Variants in BARX2 observed in about 807,000 individuals in gnomAD.
BARX2 encodes homeobox protein BarH-like 2.
BARX2 carries 11 observed loss-of-function variants against 25.5 expected under a neutral mutation model. The ratio of observed to expected loss-of-function variants is 0.43; its 90% confidence interval spans 0.27 to 0.71. The LOEUF is 0.71. Among genes scored for constraint, BARX2 ranks in the 30% least tolerant of loss-of-function variants. The pLI, the probability that BARX2 is intolerant of heterozygous loss-of-function variation, is 0.19. For synonymous variants in BARX2, 137 were observed against 149.5 expected, an observed-to-expected ratio of 0.92 and a Z score of 0.61; for missense variants, 360 against 359.9, an observed-to-expected ratio of 1.00 and a Z score of 0.00.
At chr11:129,409,680 C>T (rs935528315) in intron 1 of BARX2, among the ~76,000 whole-genome samples, 10 of 152,084 alleles carry the variant, frequency 6.6e-5, no homozygotes, top group African/African-American at 1.9e-4. Context: ...CAAAAGTGCA[C>T]GTGGCCTGGT....
chr11:129,396,456 T>C (rs1254244675), intron 1 of BARX2, among the ~76,000 whole-genome samples: 1 of 152,056 alleles, frequency 6.6e-6, no homozygotes, highest in African/African-American at 2.4e-5. Flanking sequence ...GTAGACTATA[T>C]TTTCTGCAGT....
chr11:129,396,765 G>A (rs1273276883), intron 1 of BARX2, among the ~76,000 whole-genome samples: 2 of 152,142 alleles, frequency 1.3e-5, no homozygotes, highest in Non-Finnish European at 2.9e-5. Flanking sequence ...GCTACAGGAC[G>A]TGGGATTTGA....
intron 1 of BARX2, among the ~76,000 whole-genome samples, chr11:129,388,850 C>T (rs1861640657): frequency 6.6e-6 from 1 of 152,176 alleles, no homozygotes. Context: ...AGTAATCCTA[C>T]TGTTGGGGTT....
At chr11:129,387,067 C>T (rs1360497609) in intron 1 of BARX2, among the ~76,000 whole-genome samples, 4 of 152,170 alleles carry the variant, frequency 2.6e-5, no homozygotes, top group Admixed American at 6.5e-5. Flanking sequence ...CAGACTTTCG[C>T]GGGTTACGGG....
intron 1 of BARX2, among the ~76,000 whole-genome samples, chr11:129,378,747 A>G (rs1861530854): frequency 6.6e-6 from 1 of 151,474 alleles, no homozygotes; most frequent in African/African-American, 2.4e-5. Flanking sequence ...CAGGTAAAAT[A>G]ATGAAAACTA....
Position 129,376,537 on chromosome 11 carries a change from G to A in BARX2, c.187+315G>A, listed in dbSNP as rs1409577319. Reference sequence around the variant, plus strand: ...AAGTTCAAACACTTGAGCAGGTTCAGCGTCTAAATCGTTGTTTCAGGAAGT... The same window carrying A: ...AAGTTCAAACACTTGAGCAGGTTCAACGTCTAAATCGTTGTTTCAGGAAGT... On this transcript the variant is annotated intron_variant, in intron 1 of 3. Transcript: ENST00000281437. This position sits in a 1 kb window ranked among gnomAD's most constrained non-coding sequence, Gnocchi z 4.2. Among the ~76,000 whole-genome samples the A allele has an allele frequency of 2.6e-5, 4 of 152,232 alleles. No homozygotes were observed. Among genetic ancestry groups the A allele is most frequent in the Admixed American group, 2.6e-4 (4 of 15,290 alleles).
At chr11:129,430,670 C>T (rs1169813016) in intron 1 of BARX2, among the ~76,000 whole-genome samples, 1 of 152,136 alleles carries the variant, frequency 6.6e-6, no homozygotes. Flanking sequence ...CCTCCAGTCC[C>T]AGCCAGTTCT....
chr11:129,382,948 C>G (rs1021190731), intron 1 of BARX2, among the ~76,000 whole-genome samples: 1 of 152,200 alleles, frequency 6.6e-6, no homozygotes, highest in South Asian at 2.1e-4. Flanking sequence ...CACCTTGGGC[C>G]TGCCTGTCGG....
Position 129,436,924 on chromosome 11 carries a change from T to G in BARX2, c.361T>G (p.Ser121Ala), listed in dbSNP as rs1219854917. ...GGGCGAGGCCCTAGCCAGCAGCGAGTCAGAGACGGAACAGCCCACGCCCCG... is the reference window on the plus strand; with the variant it reads ...GGGCGAGGCCCTAGCCAGCAGCGAGGCAGAGACGGAACAGCCCACGCCCCG... ...PGGEALASSE[S>A]ETEQPTPRQK... Residue 121 changes from serine (S) to alanine (A), a missense_variant, in exon 2 of 4, where the codon TCA becomes GCA. Transcript: ENST00000281437. This position sits in a 1 kb window ranked among gnomAD's most constrained non-coding sequence, Gnocchi z 4.5. 15 of 1,613,592 alleles carry G rather than the reference T, an allele frequency of 9.3e-6. No individual in the cohort carries two copies. The highest frequency in any genetic ancestry group is 1.3e-5 in the African/African-American group (1 of 74,966).
chr11:129,444,726 G>A (rs1372222405), intron 3 of BARX2, among the ~76,000 whole-genome samples: 1 of 152,192 alleles, frequency 6.6e-6, no homozygotes, highest in African/African-American at 2.4e-5. Flanking sequence ...AAGTGGCCCG[G>A]CACGGTGGCT....
chr11:129,376,222 G>A lies in BARX2; in HGVS notation c.187G>A (p.Gly63Ser). 1 of 1,598,478 alleles carries A rather than the reference G, an allele frequency of 6.3e-7. No homozygotes were observed. The highest frequency in any genetic ancestry group is 8.5e-7 in the Non-Finnish European group (1 of 1,172,548). Reference sequence around the variant, plus strand: ...ACCCAAGCCCCTGCATTCCTGTACGGGTAAGACGCTCCGCTAGGGGATAAG... The same window carrying A: ...ACCCAAGCCCCTGCATTCCTGTACGAGTAAGACGCTCCGCTAGGGGATAAG... ...VRPKPLHSCTGSPSLRAYPLL... is the reference protein window; with the variant it reads ...VRPKPLHSCTSSPSLRAYPLL... Residue 63 changes from glycine (G) to serine (S), a missense_variant and splice_region_variant, in exon 1 of 4, where the codon GGC becomes AGC. Gly to Ser is a moderately conservative substitution (Grantham distance 56). Coordinates refer to ENST00000281437, the MANE Select transcript of BARX2 (RefSeq NM_003658.5). The surrounding 1 kb of genome is among the most constrained non-coding windows in gnomAD (Gnocchi z 4.2).
rs903314563 is a variant in BARX2, at chr11:129,376,322, T to A, written c.187+100T>A. 3 of 1,181,870 alleles carry A rather than the reference T, an allele frequency of 2.5e-6. No individual in the cohort carries two copies. Among genetic ancestry groups the A allele is most frequent in the Non-Finnish European group, 2.3e-6 (2 of 856,874 alleles). The allele number at this position is 1,181,870 out of a possible 1,614,324, so 73.2% of individuals were successfully genotyped here. On this transcript the variant is annotated intron_variant, in intron 1 of 3. Transcript: ENST00000281437. This position sits in a 1 kb window ranked among gnomAD's most constrained non-coding sequence, Gnocchi z 4.2. Reference sequence around the variant, plus strand: ...CCGAGGGCGAGAGGAAGGGTTAAGTTAAGGGATTCTTTTCCTGCGCCTCAG... The same window carrying A: ...CCGAGGGCGAGAGGAAGGGTTAAGTAAAGGGATTCTTTTCCTGCGCCTCAG...
chr11:129,451,226 G>A lies in BARX2; in HGVS notation c.664G>A (p.Glu222Lys). The A allele has an allele frequency of 6.2e-7, 1 of 1,614,192 alleles. No homozygotes were observed. The highest frequency in any genetic ancestry group is 1.1e-5 in the South Asian group (1 of 91,082). ...CACATCAGAAGAGATTGAAGCTGAA[G>A]AGAAGATGAACAGCCAGGCCCAGGG... is the stretch of plus-strand genomic sequence containing the variant. The part of the protein sequence containing the change: ...IPTSEEIEAE[E>K]KMNSQAQGQE... Residue 222 changes from glutamate (E) to lysine (K), a missense_variant, in exon 4 of 4, where the codon GAG becomes AAG. Glu to Lys is a moderately conservative substitution (Grantham distance 56). This residue lies in a region of BARX2 where 114 missense variants were observed against 109.4 expected (regional missense o/e 1.04). Coordinates refer to ENST00000281437, the MANE Select transcript of BARX2 (RefSeq NM_003658.5).
chr11:129,388,765 A>G (rs1861639735), intron 1 of BARX2, among the ~76,000 whole-genome samples: 1 of 152,216 alleles, frequency 6.6e-6, no homozygotes, highest in African/African-American at 2.4e-5. Flanking sequence ...AACCACAATA[A>G]TGTAGATAAC....
chr11:129,400,298 G>A (rs926773704), intron 1 of BARX2, among the ~76,000 whole-genome samples: 1 of 152,158 alleles, frequency 6.6e-6, no homozygotes, highest in Non-Finnish European at 1.5e-5. Flanking sequence ...GCGGTGCTGT[G>A]AAAAAGGTAA....
chr11:129,394,399 A>G (rs1765655865), intron 1 of BARX2, among the ~76,000 whole-genome samples: 1 of 152,232 alleles, frequency 6.6e-6, no homozygotes, highest in Non-Finnish European at 1.5e-5. Context: ...TTTCTATGAG[A>G]AAAATAGTTC....
chr11:129,440,827 G>T (rs1862247107), intron 2 of BARX2, among the ~76,000 whole-genome samples: 2 of 152,186 alleles, frequency 1.3e-5, no homozygotes, highest in Admixed American at 1.3e-4. Context: ...CCACACCTGA[G>T]ACTCCCCATG....
At chr11:129,444,640 T>C (rs1862302618) in intron 3 of BARX2, among the ~76,000 whole-genome samples, 1 of 152,170 alleles carries the variant, frequency 6.6e-6, no homozygotes, top group African/African-American at 2.4e-5. Context: ...GTGCTGGTTG[T>C]TACGGATTTA....
intron 1 of BARX2, among the ~76,000 whole-genome samples, chr11:129,387,572 GA>G (rs1170012112): frequency 1.3e-5 from 2 of 152,152 alleles, no homozygotes; most frequent in East Asian, 3.9e-4. Context: ...AGATATTTCG[GA>G]AAGGTGTTGT....
Sources: gnomAD v4.1 joint callset for allele counts (sites outside exome capture counted in the v4.1 genomes callset) on GRCh38, gnomAD v4.1.1 for gene constraint, gnomAD v4.1.1 regional missense constraint, Gnocchi (gnomAD v3.1) non-coding constraint, MANE v1.5 for transcripts, NCBI Gene and HGNC (gene_info 2026-07-23, HGNC 2026-07-21) for gene names.